DMD: variants seen among roughly 807,000 people sequenced by gnomAD.
DMD encodes mutant dystrophin.
In DMD, 63 loss-of-function variants were observed where a neutral mutation model predicts 330.1. The ratio of observed to expected loss-of-function variants is 0.19; its 90% CI spans 0.16 to 0.24. The LOEUF (loss-of-function observed/expected upper bound fraction) is 0.24, where lower values mean the gene tolerates loss of function less well. Among genes scored for constraint, DMD ranks in the 10% least tolerant of loss-of-function variants. The pLI, the probability that DMD is intolerant of heterozygous loss-of-function variation, is 1.00. For missense variants in DMD, 3,344 were observed against 2,684.1 expected (o/e 1.25, Z -5.43); for synonymous variants, 1,223 against 959.8 (o/e 1.27, Z -5.07).
intron 54 of DMD, among the ~76,000 whole-genome samples, chrX:31,632,792 T>C (rs377642436): frequency 8.9e-6 from 1 of 111,933 alleles, no homozygotes; most frequent in Admixed American, 9.5e-5. Context: ...TGCTAGTAAA[T>C]TGCATTTTGA....
At chrX:32,965,431 T>C (rs1242287920) in intron 2 of DMD, among the ~76,000 whole-genome samples, 1 of 104,078 alleles carries the variant, frequency 9.6e-6, no homozygotes, top group African/African-American at 3.5e-5. Flanking sequence ...GAGGCGGAGG[T>C]TGCAGTGAGC....
chrX:33,044,551 T>C (rs2094351075), intron 1 of DMD, among the ~76,000 whole-genome samples: 1 of 112,357 alleles, frequency 8.9e-6, no homozygotes, highest in Admixed American at 9.4e-5. Flanking sequence ...ATTTATGTGC[T>C]GGTTTCTTAA....
intron 25 of DMD, among the ~76,000 whole-genome samples, chrX:32,456,845 G>C: frequency 9.3e-6 from 1 of 107,404 alleles, no homozygotes. Flanking sequence ...GTATACATCA[G>C]GAATTTTGTT....
intron 49 of DMD, among the ~76,000 whole-genome samples, chrX:31,834,228 C>G (rs1206102829): frequency 9.0e-6 from 1 of 111,411 alleles, no homozygotes; most frequent in Non-Finnish European, 1.9e-5. Context: ...TTTAAACAGC[C>G]CTCACAGCTT....
chrX:32,536,264 C>CAAAAA (rs1191335690), intron 17 of DMD, among the ~76,000 whole-genome samples: 421 of 36,283 alleles, frequency 0.012, 43 homozygotes, highest in African/African-American at 0.042. Flanking sequence ...ACTCCGTCTC[C>CAAAAA]AAAAAAAAAA....
chrX:32,806,296 C>G (rs1360087279), intron 7 of DMD, among the ~76,000 whole-genome samples: 8 of 110,353 alleles, frequency 7.2e-5, no homozygotes, highest in African/African-American at 2.4e-4. Context: ...ATTCTATTCT[C>G]TGATAAAATA....
chrX:32,027,486 T>C (rs1014811751), intron 44 of DMD, among the ~76,000 whole-genome samples: 1 of 111,201 alleles, frequency 9.0e-6, no homozygotes, highest in African/African-American at 3.3e-5. Context: ...ACCCCTTGGT[T>C]TGTAGTTCTC....
chrX:32,871,133 C>A (rs984241477), intron 2 of DMD, among the ~76,000 whole-genome samples: 18 of 56,316 alleles, frequency 3.2e-4, no homozygotes, highest in African/African-American at 1.1e-3. Flanking sequence ...AACCTGCAAT[C>A]TTTTCCCGTG....
chrX:32,604,134 A>G (rs900529416), intron 12 of DMD, among the ~76,000 whole-genome samples: 2 of 110,779 alleles, frequency 1.8e-5, no homozygotes, highest in African/African-American at 6.6e-5. Flanking sequence ...AAGCATAACA[A>G]AAAGATAATA....
chrX:31,214,036 T>C (rs1319951770), intron 64 of DMD, among the ~76,000 whole-genome samples: 7 of 16,027 alleles, frequency 4.4e-4, no homozygotes, highest in Non-Finnish European at 1.0e-3. Flanking sequence ...TGCAAACTGA[T>C]GGCAAGGCTG....
chrX:32,854,626 A>C (rs1278327214), intron 2 of DMD, among the ~76,000 whole-genome samples: 1 of 110,499 alleles, frequency 9.0e-6, no homozygotes, highest in African/African-American at 3.3e-5. Flanking sequence ...ATAGCAAACC[A>C]AACTCAAAAT....
chrX:32,343,622 C>A lies in DMD; in HGVS notation c.5587-336G>T, dbSNP rs756905157. On this transcript the variant is annotated intron_variant, in intron 39 of 78. Transcript: ENST00000357033. ...GAGTTTAATATACGAATACAATTGA[C>A]TTAACTAGATACAAACTCACAAACC... 8.1e-5 allele frequency among the ~76,000 whole-genome samples: 9 copies of A among 111,197 alleles called. No homozygotes were observed. In the East Asian group the frequency reaches 2.3e-3, roughly 28 times the overall value.
At chrX:32,926,782 CA>C (rs1483357470) in intron 2 of DMD, among the ~76,000 whole-genome samples, 1 of 105,884 alleles carries the variant, frequency 9.4e-6, no homozygotes, top group Admixed American at 1.0e-4. Flanking sequence ...GTTCTTCCTA[CA>C]AAAAAATAAG....
intron 44 of DMD, among the ~76,000 whole-genome samples, chrX:32,199,611 TTTC>T (rs1422229726): frequency 9.2e-6 from 1 of 109,028 alleles, no homozygotes; most frequent in Non-Finnish European, 1.9e-5. Context: ...GTGCCTATAC[TTTC>T]TTTCTTTTCT....
At chrX:33,068,125 TTG>T (rs1462504830) in intron 1 of DMD, among the ~76,000 whole-genome samples, 1 of 111,764 alleles carries the variant, frequency 8.9e-6, no homozygotes, top group Non-Finnish European at 1.9e-5. Context: ...CCTTTTAGAG[TTG>T]TGTTTCTCAA....
At chrX:32,929,704 C>G (rs2089420350) in intron 2 of DMD, among the ~76,000 whole-genome samples, 1 of 110,705 alleles carries the variant, frequency 9.0e-6, no homozygotes, top group African/African-American at 3.3e-5. Flanking sequence ...TAATGCTATC[C>G]CTCCCTTTGC....
chrX:32,578,414 C>T (rs1355700691), intron 13 of DMD, among the ~76,000 whole-genome samples: 1 of 111,853 alleles, frequency 8.9e-6, no homozygotes, highest in Non-Finnish European at 1.9e-5. Context: ...AGCTAAAGGT[C>T]AGCTCACTTC....
chrX:32,124,571 A>G (rs1409007827), intron 44 of DMD, among the ~76,000 whole-genome samples: 1 of 112,301 alleles, frequency 8.9e-6, no homozygotes, highest in Non-Finnish European at 1.9e-5. Flanking sequence ...TTCATTCATC[A>G]ATTCAATAAA....
intron 1 of DMD, among the ~76,000 whole-genome samples, chrX:33,227,520 G>A (rs1192688646): frequency 9.0e-6 from 1 of 110,807 alleles, no homozygotes; most frequent in African/African-American, 3.3e-5. Flanking sequence ...TCTTAGTTGT[G>A]CATATTTTTC....
Sources: gnomAD v4.1 joint callset for allele counts (sites outside exome capture counted in the v4.1 genomes callset) on GRCh38, gnomAD v4.1.1 for gene constraint, MANE v1.5 for transcripts, NCBI Gene and HGNC (gene_info 2026-07-23, HGNC 2026-07-21) for gene names.